UGGT2: variants seen among roughly 807,000 people sequenced by gnomAD.
The protein encoded by UGGT2 is UDP-glucose glycoprotein glucosyltransferase 2, also known as UDP-glucose:glycoprotein glucosyltransferase 2.
A neutral mutation model predicts 192.1 loss-of-function variants in UGGT2; 180 were observed. The observed-to-expected ratio is 0.94, with a 90% confidence interval of 0.83 to 1.06. UGGT2 has a LOEUF of 1.06. UGGT2 is among the 50% of genes least tolerant of loss of function. UGGT2 has a pLI of 0.00. For synonymous variants in UGGT2, 580 were observed against 591.0 expected, an observed-to-expected ratio of 0.98 and a Z score of 0.27; for missense variants, 1,849 against 1,795.7, an observed-to-expected ratio of 1.03 and a Z score of -0.54.
chr13:95,947,454 A>ATTT (rs67261345), intron 14 of UGGT2, among the ~76,000 whole-genome samples: 5 of 145,768 alleles, frequency 3.4e-5, no homozygotes, highest in Non-Finnish European at 6.0e-5. Flanking sequence ...TACTCTTTTT[A>ATTT]TTTTTATTTT....
chr13:95,986,418 C>T lies in UGGT2; in HGVS notation c.946G>A (p.Ala316Thr), dbSNP rs2051291010. Residue 316 changes from alanine to threonine, a missense_variant, in exon 9 of 39, where the codon GCA becomes ACA. Physicochemically the swap from Ala to Thr is moderately conservative, Grantham distance 58. Transcript: ENST00000376747. ...GGAGCGGACATTATTTGAGAAGCTG[C>T]TTGAAAACTAAGATCTGGAAGGAAA... ...VWELQDLSFQ[A>T]ASQIMSAPVY... is the part of the protein sequence containing the mutation. 6.3e-7 allele frequency: 1 copy of T among 1,598,640 alleles called. No homozygotes were observed. The highest frequency in any genetic ancestry group is 8.6e-7 in the Non-Finnish European group (1 of 1,168,520).
At chr13:96,043,133 C>G (rs533071061) in intron 1 of UGGT2, among the ~76,000 whole-genome samples, 1 of 152,252 alleles carries the variant, frequency 6.6e-6, no homozygotes, top group East Asian at 1.9e-4. Flanking sequence ...GGTAACTAAC[C>G]TATAAAGGAA....
At chr13:95,883,578 G>A (rs2047555343) in intron 27 of UGGT2, among the ~76,000 whole-genome samples, 1 of 152,026 alleles carries the variant, frequency 6.6e-6, no homozygotes, top group African/African-American at 2.4e-5. Context: ...ATACTCATGA[G>A]GTCTGATGGT....
intron 36 of UGGT2, among the ~76,000 whole-genome samples, chr13:95,842,385 C>T (rs1214260620): frequency 6.6e-6 from 1 of 152,028 alleles, no homozygotes; most frequent in Non-Finnish European, 1.5e-5. Context: ...TAGAGTCATC[C>T]ATGTTGTCTG....
At chr13:95,980,071 T>G (rs998733733) in intron 10 of UGGT2, among the ~76,000 whole-genome samples, 1 of 152,140 alleles carries the variant, frequency 6.6e-6, no homozygotes, top group Non-Finnish European at 1.5e-5. Context: ...ACAATCACTA[T>G]GGAAAACAAT....
chr13:95,870,680 C>G (rs147121353), intron 29 of UGGT2, among the ~76,000 whole-genome samples: 1 of 152,192 alleles, frequency 6.6e-6, no homozygotes, highest in Admixed American at 6.5e-5. Flanking sequence ...CTTCCCAATA[C>G]GATGTAAAAG....
intron 37 of UGGT2, among the ~76,000 whole-genome samples, chr13:95,833,674 A>G (rs1886971510): frequency 6.6e-6 from 1 of 152,230 alleles, no homozygotes; most frequent in South Asian, 2.1e-4. Context: ...CACACTATGT[A>G]TCTGAAGGTA....
At chr13:96,032,976 T>C (rs192046501) in intron 1 of UGGT2, among the ~76,000 whole-genome samples, 539 of 152,340 alleles carry the variant, frequency 3.5e-3, no homozygotes, top group Non-Finnish European at 5.7e-3. Flanking sequence ...GACATGCTCA[T>C]ATACTGTGCA....
chr13:95,827,201 C>T (rs1886138317), intron 38 of UGGT2, among the ~76,000 whole-genome samples: 1 of 152,156 alleles, frequency 6.6e-6, no homozygotes, highest in Non-Finnish European at 1.5e-5. Flanking sequence ...AGATTCTTAA[C>T]TCCACCCATG....
rs201526474 is a variant in UGGT2, at chr13:95,950,226, CTGCACATA to C, written c.1336-780_1336-773del. Among the ~76,000 whole-genome samples the C allele has an allele frequency of 7.1e-3, 1,079 of 152,218 alleles. 6 individuals carry two copies. Among genetic ancestry groups the C allele is most frequent in the Non-Finnish European group, 0.012 (845 of 68,006 alleles). On this transcript the variant is annotated intron_variant, in intron 12 of 38. Coordinates refer to ENST00000376747, the MANE Select transcript of UGGT2 (RefSeq NM_020121.4). ...CTCAAGTCATTTGCTGACTCCTATC[CTGCACATA>C]TACATGGTAACACCTCTACAAAAGC...
intron 15 of UGGT2, among the ~76,000 whole-genome samples, chr13:95,946,716 A>C (rs1004166795): frequency 6.6e-6 from 1 of 152,210 alleles, no homozygotes; most frequent in Non-Finnish European, 1.5e-5. Flanking sequence ...ATTTTTTCTT[A>C]AATAATCATT....
intron 12 of UGGT2, among the ~76,000 whole-genome samples, chr13:95,963,127 C>T (rs921412811): frequency 2.6e-5 from 4 of 152,088 alleles, no homozygotes; most frequent in African/African-American, 9.7e-5. Context: ...AACCATATCA[C>T]TGATGAACAC....
chr13:95,942,088 CA>C (rs1234496886), intron 15 of UGGT2, among the ~76,000 whole-genome samples: 1 of 151,850 alleles, frequency 6.6e-6, no homozygotes, highest in African/African-American at 2.4e-5. Context: ...TCTAATATGC[CA>C]AATTCTACTT....
chr13:95,947,880 T>A, intron 14 of UGGT2, 116 bp downstream of exon 14: 1 of 727,500 alleles, frequency 1.4e-6, no homozygotes, highest in Non-Finnish European at 2.3e-6. Context: ...CTGTGTTATG[T>A]CAGGCACTAG....
chr13:95,998,116 T>C (rs146585567), intron 6 of UGGT2, among the ~76,000 whole-genome samples: 104 of 152,186 alleles, frequency 6.8e-4, no homozygotes, highest in African/African-American at 2.4e-3. Flanking sequence ...GTCTGATACA[T>C]GTATACAGAG....
chr13:95,873,894 T>G (rs995615775), intron 29 of UGGT2, among the ~76,000 whole-genome samples: 1 of 152,138 alleles, frequency 6.6e-6, no homozygotes, highest in Non-Finnish European at 1.5e-5. Context: ...ACAAGTTTCC[T>G]GTGTGAGGGA....
intron 20 of UGGT2, among the ~76,000 whole-genome samples, chr13:95,913,175 T>C (rs1036132926): frequency 6.6e-6 from 1 of 152,184 alleles, no homozygotes; most frequent in Non-Finnish European, 1.5e-5. Flanking sequence ...GACATAGGCA[T>C]GGTCAAGGAC....
intron 2 of UGGT2, among the ~76,000 whole-genome samples, chr13:96,025,187 T>C (rs1476244569): frequency 6.6e-6 from 1 of 152,206 alleles, no homozygotes; most frequent in Non-Finnish European, 1.5e-5. Context: ...TAGGGTAACA[T>C]CTCAGACCCT....
intron 20 of UGGT2, among the ~76,000 whole-genome samples, chr13:95,913,332 C>T (rs948481161): frequency 1.3e-5 from 2 of 152,146 alleles, no homozygotes; most frequent in Non-Finnish European, 2.9e-5. Context: ...TTTTTGCAAT[C>T]TACCCATCTG....
Sources: allele counts gnomAD v4.1 joint callset (sites outside exome capture counted in the v4.1 genomes callset), GRCh38; gene constraint gnomAD v4.1.1; transcripts MANE v1.5; gene names NCBI Gene and HGNC (gene_info 2026-07-23, HGNC 2026-07-21).